Variants in BTRC observed in about 807,000 individuals in gnomAD.
BTRC encodes the protein beta-transducin repeat containing E3 ubiquitin protein ligase.
In BTRC, 42 loss-of-function variants were observed where a neutral mutation model predicts 85.5. That is an observed-to-expected ratio of 0.49 (90% CI 0.38 to 0.64). The LOEUF is 0.64. BTRC is among the 30% of genes least tolerant of loss of function. The pLI is 0.00. For synonymous variants in BTRC, 255 were observed against 263.3 expected (o/e 0.97, Z 0.30); for missense variants, 594 against 743.5 (o/e 0.80, Z 2.34).
At chr10:101,464,992 C>A (rs144281261) in intron 3 of BTRC, among the ~76,000 whole-genome samples, 1 of 152,116 alleles carries the variant, frequency 6.6e-6, no homozygotes, top group South Asian at 2.1e-4. Flanking sequence ...AACTTGATTA[C>A]CCCATTGCTG....
intron 4 of BTRC, among the ~76,000 whole-genome samples, chr10:101,507,432 C>G (rs1262500432): frequency 6.6e-6 from 1 of 152,192 alleles, no homozygotes; most frequent in East Asian, 1.9e-4. Context: ...GATAAAGGCT[C>G]TGTGCCGCTC....
rs1399580753 is a variant in BTRC at position 101,533,681 on chromosome 10, CAT to C, written c.1097+613_1097+614del. 6.3e-4 allele frequency among the ~76,000 whole-genome samples: 95 copies of C among 151,950 alleles called. 1 individual carries two copies. The highest frequency in any genetic ancestry group is 2.4e-5 in the African/African-American group (1 of 41,422). ...GCCGTAAGCTAAAGGATTTAGCAAA[CAT>C]AATGCATCAAAAGTAACTTTAAAAA... On this transcript the variant is annotated intron_variant, in intron 9 of 14. Coordinates refer to ENST00000370187, the MANE Select transcript of BTRC (RefSeq NM_033637.4).
chr10:101,366,941 TA>T, intron 1 of BTRC, among the ~76,000 whole-genome samples: 1 of 12,770 alleles, frequency 7.8e-5, no homozygotes, highest in South Asian at 1.4e-3. Context: ...TATATATTTA[TA>T]TATATTTATA....
intron 3 of BTRC, among the ~76,000 whole-genome samples, chr10:101,469,135 C>G (rs1161964274): frequency 6.6e-6 from 1 of 152,188 alleles, no homozygotes; most frequent in African/African-American, 2.4e-5. Context: ...ATGAAGCTAC[C>G]TTTTCAAGTG....
In BTRC at chr10:101,371,186, G is replaced by GT. The variant is rs60045010; in HGVS notation, c.48+16968dup. On this transcript the variant is annotated intron_variant, in intron 1 of 14. Coordinates refer to ENST00000370187, the MANE Select transcript of BTRC (RefSeq NM_033637.4). Reference sequence around the variant, plus strand: ...ATTCTTTTTTTTTTGTTTGTTTGGTGTTTTTTTTTTCCCCCAGAGACGGAG... The same window carrying GT: ...ATTCTTTTTTTTTTGTTTGTTTGGTGTTTTTTTTTTTCCCCCAGAGACGGAG... 1.2e-4 allele frequency among the ~76,000 whole-genome samples: 18 copies of GT among 149,520 alleles called. No homozygotes were observed. The South Asian group carries it at 3.0e-3, about 25-fold the overall frequency.
intron 4 of BTRC, among the ~76,000 whole-genome samples, chr10:101,520,598 G>A (rs1392390402): frequency 1.3e-5 from 2 of 152,154 alleles, no homozygotes; most frequent in East Asian, 3.9e-4. Context: ...GTCCAAAAAG[G>A]TACCACAGAG....
intron 1 of BTRC, among the ~76,000 whole-genome samples, chr10:101,416,992 G>A (rs1254856756): frequency 7.2e-6 from 1 of 139,044 alleles, no homozygotes; most frequent in Non-Finnish European, 1.5e-5. Flanking sequence ...CAGAAGAGTT[G>A]TAAGTAAAAT....
intron 6 of BTRC, among the ~76,000 whole-genome samples, chr10:101,530,078 C>A (rs2062257413): frequency 6.6e-6 from 1 of 151,792 alleles, no homozygotes; most frequent in Non-Finnish European, 1.5e-5. Context: ...TTTTTTGTAG[C>A]AAAGATCTAG....
Position 101,508,822 on chromosome 10 carries a change from G to A in BTRC, c.325-12817G>A, listed in dbSNP as rs530821805. 4.1e-4 allele frequency among the ~76,000 whole-genome samples: 61 copies of A among 149,540 alleles called. 1 individual carries two copies. Among genetic ancestry groups the A allele is most frequent in the Non-Finnish European group, 3.0e-5 (2 of 67,514 alleles). ...CCAGCTACTGGGGAGGCTGAGGCAG[G>A]AGAATGGCGTGAACCCAGGAGGCGG... On this transcript the variant is annotated intron_variant, in intron 4 of 14. Transcript: ENST00000370187.
chr10:101,378,771 C>T (rs1185740066), intron 1 of BTRC, among the ~76,000 whole-genome samples: 2 of 143,730 alleles, frequency 1.4e-5, no homozygotes, highest in Admixed American at 7.2e-5. Flanking sequence ...GTGATCCGCC[C>T]ACTTCGGCCT....
intron 2 of BTRC, among the ~76,000 whole-genome samples, chr10:101,451,719 G>A (rs1228275156): frequency 1.3e-5 from 2 of 152,110 alleles, no homozygotes; most frequent in African/African-American, 4.8e-5. Context: ...AATAGGCACC[G>A]TATGGCAGAG....
At chr10:101,480,706 T>C (rs1945810912) in intron 4 of BTRC, among the ~76,000 whole-genome samples, 1 of 152,178 alleles carries the variant, frequency 6.6e-6, no homozygotes, top group African/African-American at 2.4e-5. Context: ...CAACTGGAAA[T>C]GTATCACACA....
At chr10:101,489,402 A>G (rs1162487209) in intron 4 of BTRC, among the ~76,000 whole-genome samples, 1 of 152,126 alleles carries the variant, frequency 6.6e-6, no homozygotes, top group Non-Finnish European at 1.5e-5. Context: ...AGAGATTTTT[A>G]TTCTTAATAC....
intron 4 of BTRC, among the ~76,000 whole-genome samples, chr10:101,482,030 T>C (rs1377069514): frequency 6.6e-6 from 1 of 152,212 alleles, no homozygotes; most frequent in Non-Finnish European, 1.5e-5. Flanking sequence ...GGTTTTCCTT[T>C]TTTTTGTGAG....
At chr10:101,435,234 A>T (rs949715870) in intron 2 of BTRC, among the ~76,000 whole-genome samples, 2 of 152,186 alleles carry the variant, frequency 1.3e-5, no homozygotes, top group Admixed American at 1.3e-4. Context: ...ACATACAGTG[A>T]GATACATGGA....
chr10:101,399,658 G>T (rs1943449023), intron 1 of BTRC, among the ~76,000 whole-genome samples: 1 of 152,140 alleles, frequency 6.6e-6, no homozygotes, highest in African/African-American at 2.4e-5. Flanking sequence ...ACAGAAGTTT[G>T]CAAGCAGAAG....
chr10:101,381,247 T>C (rs1942921557), intron 1 of BTRC, among the ~76,000 whole-genome samples: 1 of 152,208 alleles, frequency 6.6e-6, no homozygotes, highest in Non-Finnish European at 1.5e-5. Context: ...GTATTATTAT[T>C]ATCATCCTGA....
intron 1 of BTRC, among the ~76,000 whole-genome samples, chr10:101,400,088 G>A (rs1943458043): frequency 6.6e-6 from 1 of 152,084 alleles, no homozygotes; most frequent in African/African-American, 2.4e-5. Flanking sequence ...GGATGGGGAG[G>A]GTAGATAATG....
intron 4 of BTRC, among the ~76,000 whole-genome samples, chr10:101,509,315 C>T (rs1326471742): frequency 2.6e-5 from 3 of 115,456 alleles, no homozygotes; most frequent in African/African-American, 3.5e-5. Context: ...AGTGCAGTGG[C>T]GGGATCTCGG....
Sources: allele counts gnomAD v4.1 joint callset (sites outside exome capture counted in the v4.1 genomes callset), GRCh38; gene constraint gnomAD v4.1.1; transcripts MANE v1.5; gene names NCBI Gene and HGNC (gene_info 2026-07-23, HGNC 2026-07-21).